Variants in DGKG observed in about 807,000 individuals in gnomAD.
The protein encoded by DGKG is diacylglycerol kinase gamma, also known as DAG kinase gamma.
DGKG carries 78 observed loss-of-function variants against 105.3 expected under a neutral mutation model. The ratio of observed to expected loss-of-function variants is 0.74; its 90% CI spans 0.62 to 0.89. The LOEUF is 0.89. DGKG is among the 40% of genes least tolerant of loss of function. The pLI is 0.00. For synonymous variants in DGKG, 346 were observed against 367.1 expected (o/e 0.94, Z 0.66); for missense variants, 958 against 1,020.1 (o/e 0.94, Z 0.83).
At position 186,325,942 on chromosome 3, in the gene DGKG, T is replaced by A. The variant is rs1260835076; in HGVS notation, c.-248-5235A>T. ...AGCACTACAAAATGTTTCAGGCTCA[T>A]CTCGTACTTCCTCAGCTCAAGTGCT... is the stretch of plus-strand genomic sequence containing the variant. On this transcript the variant is annotated intron_variant, in intron 1 of 24. Coordinates refer to ENST00000265022, the MANE Select transcript of DGKG (RefSeq NM_001346.3). Among the ~76,000 whole-genome samples the A allele has an allele frequency of 2.6e-5, 4 of 152,168 alleles. No homozygotes were observed. The East Asian group carries it at 7.7e-4, about 29-fold the overall frequency.
At chr3:186,302,810 G>A (rs1371457083) in intron 3 of DGKG, among the ~76,000 whole-genome samples, 2 of 152,102 alleles carry the variant, frequency 1.3e-5, no homozygotes, top group Non-Finnish European at 2.9e-5. Flanking sequence ...TAGGAAAAGA[G>A]CTGACAAACT....
intron 1 of DGKG, among the ~76,000 whole-genome samples, chr3:186,339,939 A>G (rs1197106534): frequency 6.6e-6 from 1 of 152,226 alleles, no homozygotes; most frequent in African/African-American, 2.4e-5. Context: ...TCATCTGGAA[A>G]ATGGGAATAG....
intron 5 of DGKG, among the ~76,000 whole-genome samples, chr3:186,292,880 T>C (rs2108607969): frequency 6.6e-6 from 1 of 152,228 alleles, no homozygotes; most frequent in African/African-American, 2.4e-5. Flanking sequence ...GTAAAAAAAT[T>C]ATAGAAAAAT....
In DGKG at chr3:186,147,920, C is replaced by T. The variant is rs1715576964; in HGVS notation, c.*2170G>A. On this transcript the variant is annotated 3_prime_UTR_variant, in exon 25 of 25. Coordinates refer to ENST00000265022, the MANE Select transcript of DGKG (RefSeq NM_001346.3). ...ATCATTAAAGATATTCTTCAGGTGG[C>T]CTGGTTTTCCCCTTACTTAGCATTC... The T allele has an allele frequency of 1.0e-6, 1 of 985,224 alleles. No homozygotes were observed. Among genetic ancestry groups the T allele is most frequent in the South Asian group, 4.7e-5 (1 of 21,288 alleles). The allele number at this position is 985,224 out of a possible 1,614,324, so 61.0% of individuals were successfully genotyped here.
At chr3:186,355,188 CCAT>C (rs1726851619) in intron 1 of DGKG, among the ~76,000 whole-genome samples, 2 of 27,178 alleles carry the variant, frequency 7.4e-5, no homozygotes, top group African/African-American at 5.4e-4. Context: ...ATCACCACCA[CCAT>C]CAATACCACC....
intron 1 of DGKG, among the ~76,000 whole-genome samples, chr3:186,352,270 T>C (rs1353779272): frequency 1.3e-5 from 2 of 152,190 alleles, no homozygotes; most frequent in Non-Finnish European, 2.9e-5. Context: ...AGACGGCTAC[T>C]GGGACAGCTC....
chr3:186,194,016 C>T (rs1718045993), intron 21 of DGKG, among the ~76,000 whole-genome samples: 1 of 152,220 alleles, frequency 6.6e-6, no homozygotes, highest in Admixed American at 6.5e-5. Flanking sequence ...GCGCCGGCGG[C>T]CAGGTGCCCG....
rs1443324128 is a variant in DGKG at position 186,147,422 on chromosome 3, A to C, written c.*2668T>G. On this transcript the variant is annotated 3_prime_UTR_variant, in exon 25 of 25. Coordinates refer to ENST00000265022, the MANE Select transcript of DGKG (RefSeq NM_001346.3). ...TTCTCTGCTAACCTCAGAGGTTGCTATGAGGGTCACTATGATGAGGGACTC... is the reference window on the plus strand; with the variant it reads ...TTCTCTGCTAACCTCAGAGGTTGCTCTGAGGGTCACTATGATGAGGGACTC... 3.1e-6 allele frequency: 3 copies of C among 980,064 alleles called. No homozygotes were observed. Among genetic ancestry groups the C allele is most frequent in the East Asian group, 1.1e-4 (1 of 8,778 alleles). 60.7% of individuals were successfully genotyped at this position (980,064 alleles called of 1,614,324 possible).
chr3:186,225,726 C>T (rs1719827169), intron 20 of DGKG, among the ~76,000 whole-genome samples: 1 of 152,166 alleles, frequency 6.6e-6, no homozygotes, highest in Non-Finnish European at 1.5e-5. Flanking sequence ...CTCTCATTTA[C>T]ATGAACTGCC....
chr3:186,247,461 G>T (rs7637744), intron 19 of DGKG, among the ~76,000 whole-genome samples: 5,282 of 152,174 alleles, frequency 0.035, 306 homozygotes, highest in African/African-American at 0.12. Flanking sequence ...ACCTTGGCAG[G>T]GCTCTCTTTG....
At chr3:186,181,361 C>T (rs1717349701) in intron 22 of DGKG, among the ~76,000 whole-genome samples, 1 of 152,124 alleles carries the variant, frequency 6.6e-6, no homozygotes, top group East Asian at 1.9e-4. Flanking sequence ...GTATCTGTCT[C>T]CCTGTCTTTG....
At chr3:186,228,551 C>G (rs1184035751) in intron 20 of DGKG, among the ~76,000 whole-genome samples, 1 of 152,100 alleles carries the variant, frequency 6.6e-6, no homozygotes, top group Non-Finnish European at 1.5e-5. Flanking sequence ...TGGTGCAGAC[C>G]AGCGAGATCT....
chr3:186,322,024 C>A (rs530607805), intron 1 of DGKG, among the ~76,000 whole-genome samples: 11 of 152,304 alleles, frequency 7.2e-5, no homozygotes, highest in Non-Finnish European at 1.0e-4. Flanking sequence ...CGGCTTGTTT[C>A]TCTCTCTGCA....
intron 20 of DGKG, among the ~76,000 whole-genome samples, chr3:186,219,019 G>A (rs2108527491): frequency 6.6e-6 from 1 of 152,140 alleles, no homozygotes; most frequent in South Asian, 2.1e-4. Flanking sequence ...AATGCAACAA[G>A]AGTTGAATTA....
chr3:186,337,701 T>G (rs2108657431), intron 1 of DGKG, among the ~76,000 whole-genome samples: 2 of 152,308 alleles, frequency 1.3e-5, no homozygotes, highest in South Asian at 4.1e-4. Flanking sequence ...TTTTAAGTGA[T>G]ATGATAGCAA....
chr3:186,265,875 T>C (rs979204918), intron 13 of DGKG, among the ~76,000 whole-genome samples: 1 of 152,068 alleles, frequency 6.6e-6, no homozygotes. Context: ...TTTCACCATG[T>C]TGGCCAGGAT....
chr3:186,279,805 G>A (rs1365909516), intron 9 of DGKG, 46 bp downstream of exon 9: 1 of 1,602,632 alleles, frequency 6.2e-7, no homozygotes, highest in African/African-American at 1.3e-5. Flanking sequence ...GAAGCCCAAT[G>A]TTCCTGAATG....
At chr3:186,257,769 G>C in intron 17 of DGKG, 85 bp downstream of exon 17, 1 of 1,051,010 alleles carries the variant, frequency 9.5e-7, no homozygotes, top group Non-Finnish European at 1.5e-6. Context: ...ATGGCTCCAT[G>C]TCTCTTTCTT....
intron 2 of DGKG, among the ~76,000 whole-genome samples, chr3:186,308,675 C>T (rs1724374807): frequency 6.6e-6 from 1 of 152,132 alleles, no homozygotes; most frequent in South Asian, 2.1e-4. Flanking sequence ...AAATTTCTTT[C>T]TGAAATTCAA....
Sources: gnomAD v4.1 joint callset for allele counts (sites outside exome capture counted in the v4.1 genomes callset) on GRCh38, gnomAD v4.1.1 for gene constraint, MANE v1.5 for transcripts, NCBI Gene and HGNC (gene_info 2026-07-23, HGNC 2026-07-21) for gene names.